PLAA: variants seen among roughly 807,000 people sequenced by gnomAD.
The protein encoded by PLAA is phospholipase A2 activating protein.
A neutral mutation model predicts 84.1 loss-of-function variants in PLAA; 48 were observed. The observed-to-expected ratio is 0.57, with a 90% CI of 0.45 to 0.73. The LOEUF is 0.73. PLAA is among the 30% of genes least tolerant of loss of function. The pLI, the probability that PLAA is intolerant of heterozygous loss-of-function variation, is 0.00. For missense variants in PLAA, 903 were observed against 954.7 expected, an observed-to-expected ratio of 0.95 and a Z score of 0.71; for synonymous variants, 392 against 336.6, an observed-to-expected ratio of 1.16 and a Z score of -1.80.
chr9:26,923,241 T>C lies in PLAA; in HGVS notation c.976A>G (p.Thr326Ala). Reference sequence around the variant, plus strand: ...GCATTGATGTCCCCTAAATCGCCAGTTTTAGAATCAATGGTTGCGTGAGAC... The same window carrying C: ...GCATTGATGTCCCCTAAATCGCCAGCTTTAGAATCAATGGTTGCGTGAGAC... ...ELSHATIDSK[T>A]GDLGDINAEQ... is the part of the protein sequence containing the mutation. Residue 326 changes from threonine (T) to alanine (A), a missense_variant, in exon 7 of 14, where the codon ACT becomes GCT. Physicochemically the swap from Thr to Ala is moderately conservative, Grantham distance 58 (BLOSUM62 0). Coordinates refer to ENST00000397292, the MANE Select transcript of PLAA (RefSeq NM_001031689.3). 6.2e-7 allele frequency: 1 copy of C among 1,613,598 alleles called. No homozygotes were observed. Among genetic ancestry groups the C allele is most frequent in the South Asian group, 1.1e-5 (1 of 91,040 alleles).
In PLAA at chr9:26,928,333, T is replaced by G; in HGVS notation, c.419A>C (p.Asn140Thr). ...CTGCAAGGTCATCATGCACTTGTCA[T>G]TCAGCCAGACTTTAGCAGTGGTGTC... is the stretch of plus-strand genomic sequence containing the variant. The part of the protein sequence containing the change: ...SWDTTAKVWL[N>T]DKCMMTLQGH... The change falls in exon 3 of 14, where the codon AAT becomes ACT. Residue 140 changes from asparagine to threonine, a missense_variant. By Grantham distance (65) the Asn-to-Thr change is moderately conservative. Transcript: ENST00000397292. The G allele has an allele frequency of 6.2e-7, 1 of 1,614,184 alleles. No individual in the cohort carries two copies. Among genetic ancestry groups the G allele is most frequent in the Non-Finnish European group, 8.5e-7 (1 of 1,179,996 alleles).
intron 1 of PLAA, among the ~76,000 whole-genome samples, chr9:26,942,166 T>C (rs1171306024): frequency 6.6e-6 from 1 of 152,188 alleles, no homozygotes; most frequent in African/African-American, 2.4e-5. Context: ...AAACATTTAT[T>C]ACTGATGCAC....
intron 1 of PLAA, among the ~76,000 whole-genome samples, chr9:26,946,645 G>T (rs1014540076): frequency 2.0e-5 from 3 of 152,236 alleles, no homozygotes; most frequent in African/African-American, 7.2e-5. Context: ...AGGCCCAAAA[G>T]GTAGGAGACT....
chr9:26,905,042 T>G lies in PLAA; in HGVS notation c.*469A>C, dbSNP rs1824184654. 1 of 151,920 alleles carries G rather than the reference T, an allele frequency of 6.6e-6. No homozygotes were observed. The highest frequency in any genetic ancestry group is 1.5e-5 in the Non-Finnish European group (1 of 67,908). 9.4% of individuals were successfully genotyped at this position (151,920 alleles called of 1,614,324 possible). A position where few individuals can be genotyped will look rare whatever the true frequency, so the allele number is the denominator to read the frequency against. On this transcript the variant is annotated 3_prime_UTR_variant, in exon 14 of 14. Coordinates refer to ENST00000397292, the MANE Select transcript of PLAA (RefSeq NM_001031689.3). ...GAATTTATAAATTATTTTATAAATTTAATATAATTTAAAAAATTTTAAAGT... is the reference window on the plus strand; with the variant it reads ...GAATTTATAAATTATTTTATAAATTGAATATAATTTAAAAAATTTTAAAGT...
At chr9:26,918,613 G>A (rs1051943221) in intron 9 of PLAA, among the ~76,000 whole-genome samples, 2 of 152,140 alleles carry the variant, frequency 1.3e-5, no homozygotes, top group African/African-American at 4.8e-5. Context: ...ACAAGGAAGA[G>A]CACTAGCACC....
chr9:26,935,085 C>G lies in PLAA; in HGVS notation c.271G>C (p.Asp91His). ...PHGLIATGGNDHNICIFSLDS... is the reference protein window; with the variant it reads ...PHGLIATGGNHHNICIFSLDS... The stretch of plus-strand genomic sequence containing the variant: ...AGTGAGAAAATGCATATATTGTGGT[C>G]ATTTCCACCGGTGGCAATTAGGCCA... Residue 91 changes from aspartate (D) to histidine (H), a missense_variant, in exon 2 of 14, where the codon GAC becomes CAC. By Grantham distance (81) the Asp-to-His change is moderately conservative. Coordinates refer to ENST00000397292, the MANE Select transcript of PLAA (RefSeq NM_001031689.3). 6.2e-7 allele frequency: 1 copy of G among 1,610,432 alleles called. No individual in the cohort carries two copies. The highest frequency in any genetic ancestry group is 8.5e-7 in the Non-Finnish European group (1 of 1,178,864).
chr9:26,938,522 C>T (rs12351072), intron 1 of PLAA, among the ~76,000 whole-genome samples: 1,967 of 149,128 alleles, frequency 0.013, 39 homozygotes, highest in African/African-American at 0.043. Context: ...ACTGTATGCC[C>T]GCCTGGGCCA....
intron 1 of PLAA, among the ~76,000 whole-genome samples, chr9:26,936,712 C>T (rs979204612): frequency 1.4e-5 from 2 of 142,676 alleles, no homozygotes; most frequent in Non-Finnish European, 3.2e-5. Context: ...TATCAGAGAT[C>T]TGTTCTCTGA....
intron 2 of PLAA, among the ~76,000 whole-genome samples, chr9:26,929,715 G>A (rs983164089): frequency 3.9e-5 from 6 of 152,112 alleles, no homozygotes; most frequent in African/African-American, 1.2e-4. Flanking sequence ...ATGAGTGTTT[G>A]CTCTGATTAT....
chr9:26,904,387 T>C lies in PLAA; in HGVS notation c.*1124A>G, dbSNP rs1170456317. ...CTGGGTTACCTCAGACACAATAAAT[T>C]GTGTAATTAATGTGATGGTTCCTTC... is the stretch of plus-strand genomic sequence containing the variant. On this transcript the variant is annotated 3_prime_UTR_variant, in exon 14 of 14. Coordinates refer to ENST00000397292, the MANE Select transcript of PLAA (RefSeq NM_001031689.3). The C allele has an allele frequency of 1.7e-4, 26 of 152,160 alleles. No individual in the cohort carries two copies. Among genetic ancestry groups the C allele is most frequent in the Admixed American group, 1.7e-3 (26 of 15,278 alleles). The allele number at this position is 152,160 out of a possible 1,614,324, so 9.4% of individuals were successfully genotyped here.
At chr9:26,939,041 T>G (rs1360991265) in intron 1 of PLAA, among the ~76,000 whole-genome samples, 2 of 152,148 alleles carry the variant, frequency 1.3e-5, no homozygotes, top group Admixed American at 1.3e-4. Flanking sequence ...ATCCTCATGG[T>G]AAACACACAC....
intron 10 of PLAA, chr9:26,915,545 T>A (rs902645230): frequency 3.3e-6 from 1 of 301,034 alleles, no homozygotes. Flanking sequence ...CAACAACTAA[T>A]ACATACCGTG....
chr9:26,931,412 T>C (rs1473242705), intron 2 of PLAA, among the ~76,000 whole-genome samples: 1 of 152,140 alleles, frequency 6.6e-6, no homozygotes, highest in Non-Finnish European at 1.5e-5. Flanking sequence ...CTGCTAAAAA[T>C]TACCATTATG....
intron 2 of PLAA, among the ~76,000 whole-genome samples, chr9:26,929,522 T>C (rs1185571841): frequency 6.6e-6 from 1 of 152,050 alleles, no homozygotes; most frequent in Non-Finnish European, 1.5e-5. Flanking sequence ...AAGAAGAGTA[T>C]CATTGGCGGT....
intron 9 of PLAA, among the ~76,000 whole-genome samples, chr9:26,918,232 T>C (rs12002259): frequency 0.2 from 30,754 of 151,362 alleles, 3,692 homozygotes; most frequent in African/African-American, 0.33. Context: ...CTGCCTCAGT[T>C]TTCCAAGGAG....
intron 1 of PLAA, among the ~76,000 whole-genome samples, chr9:26,938,019 A>G (rs1825414829): frequency 6.6e-6 from 1 of 152,186 alleles, no homozygotes; most frequent in Non-Finnish European, 1.5e-5. Context: ...AAATTTGATG[A>G]AAGACATGAA....
In PLAA at chr9:26,908,002, G is replaced by C. The variant is rs762050224; in HGVS notation, c.1658-4C>G. 2.5e-6 allele frequency: 4 copies of C among 1,570,058 alleles called. No homozygotes were observed. Among genetic ancestry groups the C allele is most frequent in the Non-Finnish European group, 3.4e-6 (4 of 1,165,066 alleles). On this transcript the variant is annotated splice_region_variant and splice_polypyrimidine_tract_variant and intron_variant, in intron 12 of 13. Coordinates refer to ENST00000397292, the MANE Select transcript of PLAA (RefSeq NM_001031689.3). ...CCATTAAGTTCCTTCAGTTTACCTAGAACCCAAAACCAAACTTTCAAAATT... is the reference window on the plus strand; with the variant it reads ...CCATTAAGTTCCTTCAGTTTACCTACAACCCAAAACCAAACTTTCAAAATT...
Position 26,926,558 on chromosome 9 carries a change from G to A in PLAA, c.568C>T (p.His190Tyr). The A allele has an allele frequency of 6.2e-7, 1 of 1,608,514 alleles. No individual in the cohort carries two copies. The highest frequency in any genetic ancestry group is 8.5e-7 in the Non-Finnish European group (1 of 1,176,798). ...AGRCERTFSG[H>Y]EDCVRGLAIL... is the part of the protein sequence containing the mutation. ...GCCAAACCTCTTACACAGTCTTCAT[G>A]CCCTGCATTAAAAAACAATAATGCA... Residue 190 changes from histidine (H) to tyrosine (Y), a missense_variant and splice_region_variant, in exon 5 of 14, where the codon CAT (histidine) becomes TAT (tyrosine). Coordinates refer to ENST00000397292, the MANE Select transcript of PLAA (RefSeq NM_001031689.3).
At chr9:26,915,872 T>G in intron 10 of PLAA, 2 of 985,416 alleles carry the variant, frequency 2.0e-6, no homozygotes, top group South Asian at 4.7e-5. Flanking sequence ...CAAAGTGATT[T>G]GGATTCTCAC....
Sources: allele counts gnomAD v4.1 joint callset (sites outside exome capture counted in the v4.1 genomes callset), GRCh38; gene constraint gnomAD v4.1.1; transcripts MANE v1.5; gene names NCBI Gene and HGNC (gene_info 2026-07-23, HGNC 2026-07-21).